AP4E1: variants seen among roughly 807,000 people sequenced by gnomAD.
AP4E1 encodes the protein AP-4 complex subunit epsilon-1.
AP4E1 carries 56 observed loss-of-function variants against 128.2 expected under a neutral mutation model. The observed-to-expected ratio is 0.44, with a 90% CI of 0.35 to 0.55. The LOEUF (loss-of-function observed/expected upper bound fraction) is 0.55, where lower values mean the gene tolerates loss of function less well. Ranked by LOEUF, AP4E1 falls within the 20% of genes least tolerant of loss-of-function variation. AP4E1 has a pLI of 0.00. For missense variants in AP4E1, 1,324 were observed against 1,307.7 expected (o/e 1.01, Z -0.19); for synonymous variants, 484 against 473.1 (o/e 1.02, Z -0.30).
At chr15:50,988,578 G>A (rs754886520) in intron 16 of AP4E1, among the ~76,000 whole-genome samples, 3 of 152,142 alleles carry the variant, frequency 2.0e-5, no homozygotes, top group Non-Finnish European at 4.4e-5. Context: ...GCCTCCCAAA[G>A]TGCTGGGATT....
At chr15:50,979,942 G>A (rs566959928) in intron 15 of AP4E1, among the ~76,000 whole-genome samples, 6 of 152,282 alleles carry the variant, frequency 3.9e-5, no homozygotes, top group African/African-American at 1.4e-4. Context: ...TGTGGAAATG[G>A]CTTTGAAACT....
chr15:50,929,219 A>G (rs747961877), intron 6 of AP4E1, 51 bp downstream of exon 6: 2 of 1,553,304 alleles, frequency 1.3e-6, no homozygotes, highest in African/African-American at 1.4e-5. Context: ...AGAAAAATAC[A>G]ATTATGGAAT....
At chr15:50,959,690 ACAAAATCCATC>A (rs1405856113) in intron 14 of AP4E1, among the ~76,000 whole-genome samples, 1 of 152,228 alleles carries the variant, frequency 6.6e-6, no homozygotes, top group African/African-American at 2.4e-5. Context: ...CATCACACAC[ACAAAATCCATC>A]CAGCTAAACA....
Position 50,908,930 on chromosome 15 carries a change from T to C in AP4E1, c.150+2T>C. On this transcript the variant is annotated splice_donor_variant, in intron 1 of 20. Coordinates refer to ENST00000261842, the MANE Select transcript of AP4E1 (RefSeq NM_007347.5). LOFTEE classifies it high-confidence loss of function. The stretch of plus-strand genomic sequence containing the variant: ...ATCACAGCCCTCACCTCCAAGCACG[T>C]AGGTGCCCGCCGGCCCGGGAGCTCA... The C allele has an allele frequency of 6.2e-7, 1 of 1,610,638 alleles. No homozygotes were observed. The highest frequency in any genetic ancestry group is 1.1e-5 in the South Asian group (1 of 90,820).
rs71127168 is a variant in AP4E1, at chr15:50,962,889, C to CAAAAAA, written c.1851+4117_1851+4122dup. 1.2e-3 allele frequency among the ~76,000 whole-genome samples: 45 copies of CAAAAAA among 38,714 alleles called. 8 individuals carry two copies. The highest frequency in any genetic ancestry group is 4.5e-3 in the African/African-American group (39 of 8,724). 25.4% of individuals were successfully genotyped at this position (38,714 alleles called of 152,430 possible). A position where few individuals can be genotyped will look rare whatever the true frequency, so the allele number is the denominator to read the frequency against. On this transcript the variant is annotated intron_variant, in intron 14 of 20. Transcript: ENST00000261842. ...ATATATAAGGAACTCAATTCAACAG[C>CAAAAAA]AAAAAAAAAAAAAAAAAAAAAAAAA...
chr15:50,993,805 A>C (rs1485538738), intron 17 of AP4E1, among the ~76,000 whole-genome samples, 180 bp downstream of exon 17: 2 of 152,200 alleles, frequency 1.3e-5, no homozygotes, highest in South Asian at 2.1e-4. Context: ...TATATTCCTG[A>C]AAGAGAAAAT....
At chr15:50,908,619 C>T, upstream of AP4E1, 1 of 1,000,840 alleles carries the variant, frequency 1.0e-6, no homozygotes, top group Non-Finnish European at 1.3e-6. Flanking sequence ...TGGCCTCTCG[C>T]GAGAACGACG....
At chr15:50,983,337 A>G (rs1476957583) in intron 15 of AP4E1, among the ~76,000 whole-genome samples, 1 of 152,224 alleles carries the variant, frequency 6.6e-6, no homozygotes, top group Non-Finnish European at 1.5e-5. Flanking sequence ...CTCCTTCCAG[A>G]AGTTGCAAAC....
intron 14 of AP4E1, among the ~76,000 whole-genome samples, chr15:50,965,663 C>T (rs1052592098): frequency 1.3e-5 from 2 of 152,186 alleles, no homozygotes; most frequent in African/African-American, 2.4e-5. Flanking sequence ...GGAACCTCCA[C>T]GTTTGGCTAT....
Position 50,958,648 on chromosome 15 carries a change from A to G in AP4E1, c.1705A>G (p.Asn569Asp). 6.2e-7 allele frequency: 1 copy of G among 1,614,178 alleles called. No individual in the cohort carries two copies. The highest frequency in any genetic ancestry group is 2.2e-5 in the East Asian group (1 of 44,872). Residue 569 changes from asparagine to aspartate, a missense_variant, in exon 14 of 21, where the codon AAT (asparagine) becomes GAT (aspartate). Physicochemically the swap from Asn to Asp is conservative, Grantham distance 23 (BLOSUM62 1). Transcript: ENST00000261842. Reference sequence around the variant, plus strand: ...ATTGACATCTCAGGCGCACTCTTCTAATACAGTTGAGAGATTAATCCATGA... The same window carrying G: ...ATTGACATCTCAGGCGCACTCTTCTGATACAGTTGAGAGATTAATCCATGA... ...TKLTSQAHSS[N>D]TVERLIHEFT...
chr15:50,927,657 CTTTCT>C lies in AP4E1; in HGVS notation c.543-1338_543-1334del, dbSNP rs1035575580. Among the ~76,000 whole-genome samples the C allele has an allele frequency of 8.5e-4, 129 of 151,462 alleles. 1 individual carries two copies. The highest frequency in any genetic ancestry group is 2.9e-3 in the African/African-American group (120 of 41,088). On this transcript the variant is annotated intron_variant, in intron 5 of 20. Transcript: ENST00000261842. ...AACAGTAAATCTGTTATTAATCTGCCTTTCTTTTCTTTTCTTTTTTTTTTTGTGAA... is the reference window on the plus strand; with the variant it reads ...AACAGTAAATCTGTTATTAATCTGCCTTTCTTTTCTTTTTTTTTTTGTGAA...
intron 1 of AP4E1, among the ~76,000 whole-genome samples, chr15:50,910,191 T>C (rs1486548719): frequency 6.6e-6 from 1 of 152,186 alleles, no homozygotes; most frequent in Non-Finnish European, 1.5e-5. Flanking sequence ...TTCACCATGT[T>C]GGGCAGGCTG....
intron 15 of AP4E1, among the ~76,000 whole-genome samples, chr15:50,981,930 A>C (rs1168180072): frequency 6.6e-6 from 1 of 151,972 alleles, no homozygotes; most frequent in African/African-American, 2.4e-5. Context: ...TACTAAAAAT[A>C]CGAAATTAGC....
intron 17 of AP4E1, among the ~76,000 whole-genome samples, chr15:50,996,184 G>T (rs1365155588): frequency 2.9e-5 from 4 of 138,398 alleles, no homozygotes; most frequent in African/African-American, 1.1e-4. Flanking sequence ...TTTCAGTAGA[G>T]ACGGGGTTTC....
At chr15:50,923,707 C>T (rs1311104205) in intron 3 of AP4E1, among the ~76,000 whole-genome samples, 1 of 152,068 alleles carries the variant, frequency 6.6e-6, no homozygotes. Flanking sequence ...AGTGTCTATT[C>T]CGTTTCTGGA....
chr15:50,924,633 T>C (rs1486268226), intron 4 of AP4E1, among the ~76,000 whole-genome samples: 2 of 152,164 alleles, frequency 1.3e-5, no homozygotes, highest in African/African-American at 2.4e-5. Context: ...CTTCCAAACT[T>C]AAAAAATATA....
intron 16 of AP4E1, among the ~76,000 whole-genome samples, chr15:50,992,422 G>T (rs2064818701): frequency 6.6e-6 from 1 of 152,102 alleles, no homozygotes; most frequent in Non-Finnish European, 1.5e-5. Context: ...GATATACATT[G>T]TGAAATGATT....
intron 14 of AP4E1, among the ~76,000 whole-genome samples, chr15:50,962,317 A>G (rs1201900705): frequency 2.0e-5 from 3 of 152,098 alleles, no homozygotes; most frequent in African/African-American, 4.8e-5. Context: ...ACTAAGCAAA[A>G]AGAACAAAGC....
intron 7 of AP4E1, among the ~76,000 whole-genome samples, chr15:50,931,578 T>TA (rs1555455634): frequency 4.3e-4 from 66 of 151,912 alleles, no homozygotes; most frequent in African/African-American, 1.3e-3. Context: ...AAAATAATAA[T>TA]AATAAATAAA....
Sources: gnomAD v4.1 joint callset for allele counts (sites outside exome capture counted in the v4.1 genomes callset) on GRCh38, gnomAD v4.1.1 for gene constraint, MANE v1.5 for transcripts, NCBI Gene and HGNC (gene_info 2026-07-23, HGNC 2026-07-21) for gene names.